Variants in UNC13B observed in about 807,000 individuals in gnomAD.
UNC13B encodes protein unc-13 homolog B.
In UNC13B, 144 loss-of-function variants were observed where a neutral mutation model predicts 211.0. The ratio of observed to expected loss-of-function variants is 0.68; its 90% CI spans 0.60 to 0.78. The LOEUF is 0.78. Among genes scored for constraint, UNC13B ranks in the 30% least tolerant of loss-of-function variants. The pLI, the probability that UNC13B is intolerant of heterozygous loss-of-function variation, is 0.00. For synonymous variants in UNC13B, 709 were observed against 725.8 expected (o/e 0.98, Z 0.37); for missense variants, 1,777 against 2,002.0 (o/e 0.89, Z 2.14).
At chr9:35,184,802 G>A (rs370069873) in intron 1 of UNC13B, among the ~76,000 whole-genome samples, 1 of 488 alleles carries the variant, frequency 2.0e-3, no homozygotes, top group African/African-American at 7.4e-3. Flanking sequence ...AGAAAGAAGC[G>A]GGGGGGGGGG....
chr9:35,279,821 GC>G (rs1828384924), intron 7 of UNC13B, among the ~76,000 whole-genome samples: 1 of 152,082 alleles, frequency 6.6e-6, no homozygotes, highest in Non-Finnish European at 1.5e-5. Flanking sequence ...TCTTTCCTTA[GC>G]TTTTAGGAAT....
intron 7 of UNC13B, among the ~76,000 whole-genome samples, chr9:35,272,857 C>A (rs1282605703): frequency 6.6e-6 from 1 of 152,160 alleles, no homozygotes; most frequent in Non-Finnish European, 1.5e-5. Flanking sequence ...TAAAGCCTCC[C>A]TTAACTACTT....
intron 21 of UNC13B, 55 bp downstream of exon 21, chr9:35,382,562 ATTTTTTT>A: frequency 1.5e-6 from 2 of 1,335,198 alleles, no homozygotes; most frequent in Non-Finnish European, 2.0e-6. Flanking sequence ...ATAAAGTTTG[ATTTTTTT>A]TTTTTTTTTT....
At chr9:35,362,143 T>C (rs1833457899) in intron 11 of UNC13B, 1 of 152,200 alleles carries the variant, frequency 6.6e-6, no homozygotes, top group South Asian at 2.1e-4. Context: ...TCTCCTGTTA[T>C]AGTCCAGTTA....
At chr9:35,225,922 G>A (rs1054165880) in intron 1 of UNC13B, among the ~76,000 whole-genome samples, 7 of 152,102 alleles carry the variant, frequency 4.6e-5, no homozygotes, top group Non-Finnish European at 5.9e-5. Context: ...GCAGTGGTGC[G>A]CCAGTCCTTG....
chr9:35,398,660 AC>A lies in UNC13B; in HGVS notation c.11921+19del. 1 of 1,613,442 alleles carries A rather than the reference AC, an allele frequency of 6.2e-7. No individual in the cohort carries two copies. The highest frequency in any genetic ancestry group is 8.5e-7 in the Non-Finnish European group (1 of 1,179,664). On this transcript the variant is annotated intron_variant, in intron 32 of 39. Coordinates refer to ENST00000635942, the MANE Select transcript of UNC13B (RefSeq NM_001371189.2). ...GGAAACAGGTCAGTGACCCCACAAT[AC>A]AAGGCCCTCAGAGCCAGATGTGGTC...
chr9:35,170,196 C>G (rs535411695), intron 1 of UNC13B, among the ~76,000 whole-genome samples: 1 of 151,870 alleles, frequency 6.6e-6, no homozygotes, highest in South Asian at 2.1e-4. Context: ...GATGGAGTCT[C>G]GTTCTGTTGC....
chr9:35,250,747 G>T (rs1826416125), intron 6 of UNC13B, among the ~76,000 whole-genome samples: 1 of 152,078 alleles, frequency 6.6e-6, no homozygotes, highest in Non-Finnish European at 1.5e-5. Context: ...ATTTTCCAAA[G>T]TGGCTATGAC....
At chr9:35,380,938 A>G (rs938600591) in intron 18 of UNC13B, among the ~76,000 whole-genome samples, 162 bp from the exon 19 acceptor site, 11 of 151,838 alleles carry the variant, frequency 7.2e-5, no homozygotes, top group African/African-American at 2.4e-4. Flanking sequence ...TACTTGTGGA[A>G]TATGTGGTCA....
intron 7 of UNC13B, among the ~76,000 whole-genome samples, chr9:35,266,892 A>G (rs767908096): frequency 6.6e-6 from 1 of 152,246 alleles, no homozygotes; most frequent in Non-Finnish European, 1.5e-5. Flanking sequence ...GGTAAGGCAG[A>G]GAGCAGAAGA....
intron 31 of UNC13B, 119 bp from the exon 32 acceptor site, chr9:35,398,435 A>C: frequency 7.5e-7 from 1 of 1,336,546 alleles, no homozygotes; most frequent in Admixed American, 1.8e-5. Flanking sequence ...CATTCGGGTA[A>C]GGCCCTGCGA....
At chr9:35,387,562 G>T (rs1006977139) in intron 24 of UNC13B, among the ~76,000 whole-genome samples, 1 of 152,122 alleles carries the variant, frequency 6.6e-6, no homozygotes, top group African/African-American at 2.4e-5. Flanking sequence ...CTCTGGTTGA[G>T]GAAAGACACT....
intron 5 of UNC13B, among the ~76,000 whole-genome samples, chr9:35,240,838 G>A (rs1364354542): frequency 6.6e-6 from 1 of 151,982 alleles, no homozygotes; most frequent in Non-Finnish European, 1.5e-5. Flanking sequence ...GGTGGATCAT[G>A]AGGTCAGGAG....
intron 25 of UNC13B, 150 bp from the exon 26 acceptor site, chr9:35,390,478 GC>G (rs1835464192): frequency 1.2e-6 from 1 of 835,548 alleles, no homozygotes; most frequent in Non-Finnish European, 1.9e-6. Context: ...TGGCCCCTGG[GC>G]CCCTTTTCTC....
At chr9:35,386,325 G>A (rs771919440) in intron 24 of UNC13B, 32 bp downstream of exon 24, 4 of 1,612,678 alleles carry the variant, frequency 2.5e-6, no homozygotes, top group Non-Finnish European at 3.4e-6. Flanking sequence ...GGGGCCAGCT[G>A]TCAGTGGCTC....
chr9:35,330,268 A>G (rs1271305246), intron 11 of UNC13B, among the ~76,000 whole-genome samples: 1 of 152,218 alleles, frequency 6.6e-6, no homozygotes, highest in African/African-American at 2.4e-5. Flanking sequence ...ACTTTCCAGA[A>G]CTGTTGGCTT....
At chr9:35,364,661 G>GCA in intron 11 of UNC13B, 1 of 1,319,166 alleles carries the variant, frequency 7.6e-7, no homozygotes, top group Non-Finnish European at 1.0e-6. Context: ...GTGTGTGTGT[G>GCA]TGTACATGCA....
At chr9:35,287,052 T>C (rs561356574) in intron 7 of UNC13B, among the ~76,000 whole-genome samples, 2 of 152,318 alleles carry the variant, frequency 1.3e-5, no homozygotes, top group South Asian at 4.1e-4. Context: ...TTTTTGGTTT[T>C]GCCTGTTTTT....
chr9:35,252,855 A>G (rs1251763076), intron 6 of UNC13B, among the ~76,000 whole-genome samples: 3 of 151,906 alleles, frequency 2.0e-5, no homozygotes, highest in Non-Finnish European at 4.4e-5. Context: ...GCGTGAACCC[A>G]GGAGGCGGAG....
Sources: allele counts gnomAD v4.1 joint callset (sites outside exome capture counted in the v4.1 genomes callset), GRCh38; gene constraint gnomAD v4.1.1; transcripts MANE v1.5; gene names NCBI Gene and HGNC (gene_info 2026-07-23, HGNC 2026-07-21).